Variants in DMD observed in about 807,000 individuals in gnomAD.
DMD encodes the protein mutant dystrophin.
In DMD, 63 loss-of-function variants were observed where a neutral mutation model predicts 330.1. That is an observed-to-expected ratio of 0.19 (90% CI 0.16 to 0.24). The LOEUF (loss-of-function observed/expected upper bound fraction) is 0.24, where lower values mean the gene tolerates loss of function less well. Ranked by LOEUF, DMD falls within the 10% of genes least tolerant of loss-of-function variation. The pLI is 1.00. For synonymous variants in DMD, 1,223 were observed against 959.8 expected (o/e 1.27, Z -5.07); for missense variants, 3,344 against 2,684.1 (o/e 1.25, Z -5.43).
chrX:31,559,749 A>G (rs1273294957), intron 55 of DMD, among the ~76,000 whole-genome samples: 1 of 108,698 alleles, frequency 9.2e-6, no homozygotes, highest in Non-Finnish European at 1.9e-5. Flanking sequence ...CAGCGCCCCG[A>G]ACCCTCACAC....
intron 48 of DMD, among the ~76,000 whole-genome samples, chrX:31,867,445 A>T (rs1018321113): frequency 9.0e-6 from 1 of 111,276 alleles, no homozygotes; most frequent in African/African-American, 3.3e-5. Flanking sequence ...CAATGATCCT[A>T]TTCAGCCAAG....
chrX:31,169,404 A>C, intron 74 of DMD, 39 bp downstream of exon 74: 1 of 1,109,935 alleles, frequency 9.0e-7, no homozygotes, highest in Non-Finnish European at 1.2e-6. Context: ...AAGTGTATGC[A>C]CTCTGCATAC....
chrX:31,549,132 C>T (rs9887172), intron 55 of DMD, among the ~76,000 whole-genome samples: 5,836 of 110,725 alleles, frequency 0.053, 179 homozygotes, highest in Non-Finnish European at 0.082. Context: ...TAGAAACATT[C>T]CCGTGAATGC....
intron 1 of DMD, among the ~76,000 whole-genome samples, chrX:33,198,377 G>C (rs1261817952): frequency 9.1e-6 from 1 of 110,404 alleles, no homozygotes; most frequent in African/African-American, 3.3e-5. Context: ...AAAGGACATG[G>C]GTTAAAAACA....
intron 1 of DMD, among the ~76,000 whole-genome samples, chrX:33,182,405 T>C (rs1271725085): frequency 9.0e-6 from 1 of 110,986 alleles, no homozygotes; most frequent in Non-Finnish European, 1.9e-5. Context: ...GGTGGGACTA[T>C]AGGCGTGTTG....
At chrX:31,957,656 A>T (rs1418252974) in intron 45 of DMD, among the ~76,000 whole-genome samples, 1 of 112,224 alleles carries the variant, frequency 8.9e-6, no homozygotes, top group East Asian at 2.8e-4. Flanking sequence ...GAGAGAGATA[A>T]AATAAAATAT....
intron 9 of DMD, among the ~76,000 whole-genome samples, chrX:32,684,268 A>C (rs2147368027): frequency 8.9e-6 from 1 of 111,741 alleles, no homozygotes; most frequent in South Asian, 3.7e-4. Context: ...ACACACAGAT[A>C]TATACTCTAT....
In DMD at chrX:32,734,931, A is replaced by G. The variant is rs61666499; in HGVS notation, c.650-35638T>C. On this transcript the variant is annotated intron_variant, in intron 7 of 78. Coordinates refer to ENST00000357033, the MANE Select transcript of DMD (RefSeq NM_004006.3). Reference sequence around the variant, plus strand: ...TCTGGCCAGGGCAATTAGGCAGGAGAAGGAAATAAAGGGTATTCAATTAGG... The same window carrying G: ...TCTGGCCAGGGCAATTAGGCAGGAGGAGGAAATAAAGGGTATTCAATTAGG... 8.5e-3 allele frequency among the ~76,000 whole-genome samples: 912 copies of G among 107,244 alleles called. 15 individuals carry two copies. The highest frequency in any genetic ancestry group is 0.031 in the African/African-American group (867 of 28,380). 93.1% of individuals were successfully genotyped at this position (107,244 alleles called of 115,157 possible).
At chrX:31,677,902 T>C (rs5927802) in intron 53 of DMD, among the ~76,000 whole-genome samples, 45,640 of 111,131 alleles carry the variant, frequency 0.41, 7,618 homozygotes, top group African/African-American at 0.62. Context: ...TGTGATGGGA[T>C]GTGGTGGAAG....
At chrX:33,253,747 G>A (rs1032153429) in intron 1 of DMD, among the ~76,000 whole-genome samples, 1 of 110,827 alleles carries the variant, frequency 9.0e-6, no homozygotes, top group Non-Finnish European at 1.9e-5. Context: ...AAATATCACC[G>A]TCTCTGATGG....
chrX:31,151,888 T>C (rs2037459345), intron 74 of DMD, among the ~76,000 whole-genome samples: 1 of 112,195 alleles, frequency 8.9e-6, no homozygotes, highest in South Asian at 3.7e-4. Context: ...TAGTAAGGTA[T>C]ATTGTAGAGC....
chrX:32,072,375 T>C (rs1282018722), intron 44 of DMD, among the ~76,000 whole-genome samples: 1 of 110,946 alleles, frequency 9.0e-6, no homozygotes, highest in African/African-American at 3.3e-5. Flanking sequence ...GGAAACTATA[T>C]AGTGAACAAA....
At chrX:31,823,647 C>G (rs897776599) in intron 49 of DMD, among the ~76,000 whole-genome samples, 1 of 110,613 alleles carries the variant, frequency 9.0e-6, no homozygotes, top group Non-Finnish European at 1.9e-5. Flanking sequence ...GTGGCAAGAT[C>G]TCGGCTCACT....
intron 1 of DMD, among the ~76,000 whole-genome samples, chrX:33,080,709 T>G (rs775509922): frequency 1.2e-4 from 13 of 111,322 alleles, no homozygotes; most frequent in African/African-American, 4.2e-4. Flanking sequence ...CCAAAGTAAA[T>G]AAATTGAACA....
chrX:32,169,265 A>G (rs1248328370), intron 44 of DMD, among the ~76,000 whole-genome samples: 1 of 112,073 alleles, frequency 8.9e-6, no homozygotes, highest in Non-Finnish European at 1.9e-5. Flanking sequence ...GCTATATTAT[A>G]GTTAATGATT....
rs2094493882 is a variant in DMD at position 31,907,613 on chromosome X, C to A, written c.6912+21983G>T. 2.7e-5 allele frequency among the ~76,000 whole-genome samples: 3 copies of A among 111,735 alleles called. No individual in the cohort carries two copies. The Admixed American group carries it at 2.8e-4, about 11-fold the overall frequency. Reference sequence around the variant, plus strand: ...CATGTTAGACCTAAAACCATAAAACCCTAGAAGAAAACCTAGGCAATACCA... The same window carrying A: ...CATGTTAGACCTAAAACCATAAAACACTAGAAGAAAACCTAGGCAATACCA... On this transcript the variant is annotated intron_variant, in intron 47 of 78. Coordinates refer to ENST00000357033, the MANE Select transcript of DMD (RefSeq NM_004006.3).
rs892536744 is a variant in DMD at position 33,245,172 on chromosome X, T to C, written c.7+94087A>G. On this transcript the variant is annotated intron_variant, in intron 1 of 17. Transcript: ENST00000288447. ...AGTGAGGTTTTAAATATAGACATTT[T>C]TGCTCCTTCAGTATTGTTTTAAACT... is the stretch of plus-strand genomic sequence containing the variant. Among the ~76,000 whole-genome samples, 3 of 111,393 alleles carry C rather than the reference T, an allele frequency of 2.7e-5. No homozygotes were observed. In the Admixed American group the frequency reaches 2.9e-4, roughly 11 times the overall value.
At chrX:32,358,844 C>A (rs182473921) in intron 37 of DMD, among the ~76,000 whole-genome samples, 1 of 111,381 alleles carries the variant, frequency 9.0e-6, no homozygotes, top group Admixed American at 9.6e-5. Flanking sequence ...ATGGAAATAC[C>A]CATTGATATT....
chrX:32,768,880 C>T (rs778884322), intron 7 of DMD, among the ~76,000 whole-genome samples: 1 of 111,567 alleles, frequency 9.0e-6, no homozygotes, highest in African/African-American at 3.3e-5. Flanking sequence ...CTCAGCCAGC[C>T]ACTGCATTAT....
Sources: gnomAD v4.1 joint callset for allele counts (sites outside exome capture counted in the v4.1 genomes callset) on GRCh38, gnomAD v4.1.1 for gene constraint, MANE v1.5 for transcripts, NCBI Gene and HGNC (gene_info 2026-07-23, HGNC 2026-07-21) for gene names.